XKR4: variants seen among roughly 807,000 people sequenced by gnomAD.
XKR4 encodes XK related 4.
In XKR4, 12 loss-of-function variants were observed where a neutral mutation model predicts 53.9. The ratio of observed to expected loss-of-function variants is 0.22; its 90% CI spans 0.14 to 0.36. XKR4 has a LOEUF of 0.36. Among genes scored for constraint, XKR4 ranks in the 10% least tolerant of loss-of-function variants. XKR4 has a pLI of 1.00. For missense variants in XKR4, 799 were observed against 859.5 expected, an observed-to-expected ratio of 0.93 and a Z score of 0.88; for synonymous variants, 354 against 362.4, an observed-to-expected ratio of 0.98 and a Z score of 0.26.
At chr8:55,468,495 T>A (rs1585591380) in intron 2 of XKR4, among the ~76,000 whole-genome samples, 2 of 151,986 alleles carry the variant, frequency 1.3e-5, no homozygotes, top group African/African-American at 4.8e-5. Flanking sequence ...ATGTCTTATT[T>A]AAAAAAAATA....
At chr8:55,165,129 T>C (rs1817049181) in intron 1 of XKR4, among the ~76,000 whole-genome samples, 1 of 152,160 alleles carries the variant, frequency 6.6e-6, no homozygotes. Context: ...CTCCCAATAG[T>C]TCCTTTTTGA....
intron 2 of XKR4, among the ~76,000 whole-genome samples, chr8:55,366,547 C>G (rs1206768109): frequency 1.3e-5 from 2 of 152,170 alleles, no homozygotes; most frequent in Non-Finnish European, 2.9e-5. Flanking sequence ...CCTTATGTCC[C>G]CCTTGAAATT....
chr8:55,195,836 G>A (rs1420640266), intron 1 of XKR4, among the ~76,000 whole-genome samples: 8 of 152,198 alleles, frequency 5.3e-5, no homozygotes, highest in Admixed American at 5.2e-4. Context: ...GCCCATCAAA[G>A]CACCTAGAGG....
chr8:55,207,768 G>C (rs560679742), intron 1 of XKR4, among the ~76,000 whole-genome samples: 6 of 57,590 alleles, frequency 1.0e-4, no homozygotes, highest in Non-Finnish European at 2.5e-4. Flanking sequence ...TACAGGGGGA[G>C]GGGGAGAGGG....
At chr8:55,127,172 C>G (rs574067207) in intron 1 of XKR4, among the ~76,000 whole-genome samples, 1 of 152,082 alleles carries the variant, frequency 6.6e-6, no homozygotes, top group South Asian at 2.1e-4. Flanking sequence ...CTAAAATGCC[C>G]CCCAAAAGAA....
At chr8:55,502,500 A>T (rs553950779) in intron 2 of XKR4, among the ~76,000 whole-genome samples, 55 of 152,012 alleles carry the variant, frequency 3.6e-4, no homozygotes, top group Non-Finnish European at 7.1e-4. Flanking sequence ...GTATCTTTTC[A>T]TGTGCTTATT....
At chr8:55,269,189 A>AT (rs1563497727) in intron 1 of XKR4, among the ~76,000 whole-genome samples, 1 of 151,984 alleles carries the variant, frequency 6.6e-6, no homozygotes, top group East Asian at 1.9e-4. Context: ...AATGTAATAC[A>AT]TTTTTTTAAA....
chr8:55,136,453 C>A (rs530276520), intron 1 of XKR4, among the ~76,000 whole-genome samples: 1 of 152,264 alleles, frequency 6.6e-6, no homozygotes, highest in East Asian at 1.9e-4. Flanking sequence ...TTTCCTCACA[C>A]CAGCAAACTG....
At chr8:55,405,011 A>T (rs1216076000) in intron 2 of XKR4, among the ~76,000 whole-genome samples, 1 of 152,184 alleles carries the variant, frequency 6.6e-6, no homozygotes, top group Non-Finnish European at 1.5e-5. Context: ...CAACGAAAAA[A>T]ATGTCTGGTA....
intron 2 of XKR4, among the ~76,000 whole-genome samples, chr8:55,425,327 G>T (rs1192274526): frequency 6.6e-6 from 1 of 152,190 alleles, no homozygotes; most frequent in Admixed American, 6.5e-5. Context: ...CTCACCTGGA[G>T]GTTGGCCCCT....
rs535815716 is a variant in XKR4, at chr8:55,449,606, A to G, written c.1007-73675A>G. The stretch of plus-strand genomic sequence containing the variant: ...GTCGTAAACGCGAGGAGTTGTCTTC[A>G]CGTCAAAGAAGGCCTTCTCATCCAC... On this transcript the variant is annotated intron_variant, in intron 2 of 2. Coordinates refer to ENST00000327381, the MANE Select transcript of XKR4 (RefSeq NM_052898.2). The G allele has an allele frequency of 2.9e-5, 34 of 1,185,458 alleles. No homozygotes were observed. In the South Asian group the frequency reaches 4.1e-4, roughly 14 times the overall value. 73.4% of individuals were successfully genotyped at this position (1,185,458 alleles called of 1,614,324 possible).
intron 1 of XKR4, among the ~76,000 whole-genome samples, chr8:55,253,249 A>T (rs986738074): frequency 1.3e-5 from 2 of 152,332 alleles, no homozygotes; most frequent in East Asian, 1.9e-4. Flanking sequence ...TAAAAAAAAA[A>T]ATATGACTAA....
intron 2 of XKR4, among the ~76,000 whole-genome samples, chr8:55,415,194 A>G (rs1200542793): frequency 1.3e-5 from 2 of 152,250 alleles, no homozygotes; most frequent in African/African-American, 4.8e-5. Flanking sequence ...TTTCAAAGTC[A>G]TGATTTTATC....
intron 1 of XKR4, among the ~76,000 whole-genome samples, chr8:55,303,835 G>C (rs1034174643): frequency 6.6e-6 from 1 of 152,136 alleles, no homozygotes; most frequent in Non-Finnish European, 1.5e-5. Context: ...TGTGGGATCG[G>C]TGGTGATATC....
At chr8:55,183,102 C>CT (rs1563477303) in intron 1 of XKR4, among the ~76,000 whole-genome samples, 1 of 151,786 alleles carries the variant, frequency 6.6e-6, no homozygotes. Context: ...TATTGATTTT[C>CT]TTTTTTTATC....
chr8:55,460,524 A>G (rs1318817066), intron 2 of XKR4, among the ~76,000 whole-genome samples: 1 of 152,246 alleles, frequency 6.6e-6, no homozygotes, highest in Non-Finnish European at 1.5e-5. Flanking sequence ...CTGAATAGGA[A>G]CAGCTTCAGT....
At chr8:55,338,449 C>T (rs1227138357) in intron 1 of XKR4, among the ~76,000 whole-genome samples, 1 of 152,196 alleles carries the variant, frequency 6.6e-6, no homozygotes, top group Non-Finnish European at 1.5e-5. Flanking sequence ...CTGGTCACCA[C>T]TGTGGGGCAT....
intron 1 of XKR4, among the ~76,000 whole-genome samples, chr8:55,168,683 C>G (rs1363109203): frequency 6.6e-6 from 1 of 152,168 alleles, no homozygotes; most frequent in African/African-American, 2.4e-5. Flanking sequence ...TCTATCAAAA[C>G]TGTGGTAAAA....
chr8:55,258,539 A>G (rs1170854596), intron 1 of XKR4, among the ~76,000 whole-genome samples: 1 of 152,162 alleles, frequency 6.6e-6, no homozygotes, highest in South Asian at 2.1e-4. Context: ...CTAAAGCGGG[A>G]ATGACATCAA....
Sources: gnomAD v4.1 joint callset for allele counts (sites outside exome capture counted in the v4.1 genomes callset) on GRCh38, gnomAD v4.1.1 for gene constraint, MANE v1.5 for transcripts, NCBI Gene and HGNC (gene_info 2026-07-23, HGNC 2026-07-21) for gene names.